The following BEND3 variants were observed in gnomAD, a reference collection of about 807,000 sequenced individuals.
BEND3 encodes BEN domain containing 3.
Under a neutral mutation model 60.1 loss-of-function variants are expected in BEND3, and 13 were observed. The observed-to-expected ratio is 0.22, with a 90% CI of 0.14 to 0.34. BEND3 has a LOEUF of 0.34. BEND3 is among the 10% of genes least tolerant of loss of function. The pLI is 1.00. For missense variants in BEND3, 896 were observed against 1,138.1 expected, an observed-to-expected ratio of 0.79 and a Z score of 3.06; for synonymous variants, 497 against 491.5, an observed-to-expected ratio of 1.01 and a Z score of -0.15.
At position 107,066,611 on chromosome 6, in the gene BEND3, C is replaced by T. The variant is rs1774835290; in HGVS notation, c.*2093G>A. The T allele has an allele frequency of 6.6e-6, 1 of 152,470 alleles. No homozygotes were observed. The highest frequency in any genetic ancestry group is 1.5e-5 in the Non-Finnish European group (1 of 68,020). 9.4% of individuals were successfully genotyped at this position (152,470 alleles called of 1,614,324 possible). Reference sequence around the variant, plus strand: ...TAAAGTTGCAGGGTCAACATTCCACCCTCTAGAAAGCAGGGCAATTCATGG... The same window carrying T: ...TAAAGTTGCAGGGTCAACATTCCACTCTCTAGAAAGCAGGGCAATTCATGG... On this transcript the variant is annotated 3_prime_UTR_variant, in exon 4 of 4. Transcript: ENST00000369042.
At chr6:107,089,568 A>T (rs1775428883) in intron 3 of BEND3, among the ~76,000 whole-genome samples, 1 of 147,498 alleles carries the variant, frequency 6.8e-6, no homozygotes, top group South Asian at 2.2e-4. Context: ...CCTGGGCGAC[A>T]CAGCGAGACT....
chr6:107,094,248 C>T (rs1223525759), intron 3 of BEND3, among the ~76,000 whole-genome samples: 4 of 151,996 alleles, frequency 2.6e-5, no homozygotes, highest in African/African-American at 7.3e-5. Flanking sequence ...TTAATAGCCA[C>T]TTCACCAAAA....
In BEND3 at chr6:107,070,423, G is replaced by A. The variant is rs782314128; in HGVS notation, c.768C>T (p.Ile256=). 16 of 1,613,922 alleles carry A rather than the reference G, an allele frequency of 9.9e-6. No homozygotes were observed. The South Asian group carries it at 1.1e-4, about 11-fold the overall frequency. The change falls in exon 4 of 4, where the codon ATC becomes ATT. Residue 256 remains isoleucine (I), a synonymous_variant. Coordinates refer to ENST00000369042, the MANE Select transcript of BEND3 (RefSeq NM_001367314.1). The surrounding 1 kb of genome is among the most constrained non-coding windows in gnomAD (Gnocchi z 6.9). Reference sequence around the variant, plus strand: ...CCCCCCCTGACAGGCTCTGGTCCACGATCTGCTTGAGCTCTGCGGCTGTGA... The same window carrying A: ...CCCCCCCTGACAGGCTCTGGTCCACAATCTGCTTGAGCTCTGCGGCTGTGA... ...YQLTAAELKQ[I]VDQSLSGGDL...
In BEND3 at chr6:107,066,590, G is replaced by C. The variant is rs949296797; in HGVS notation, c.*2114C>G. 6.6e-6 allele frequency: 1 copy of C among 152,594 alleles called. No individual in the cohort carries two copies. Among genetic ancestry groups the C allele is most frequent in the Admixed American group, 6.5e-5 (1 of 15,274 alleles). 9.5% of individuals were successfully genotyped at this position (152,594 alleles called of 1,614,324 possible). A position where few individuals can be genotyped will look rare whatever the true frequency, so the allele number is the denominator to read the frequency against. On this transcript the variant is annotated 3_prime_UTR_variant, in exon 4 of 4. Coordinates refer to ENST00000369042, the MANE Select transcript of BEND3 (RefSeq NM_001367314.1). ...ATTAATAAATGATTGTGCTTCTAAA[G>C]TTGCAGGGTCAACATTCCACCCTCT...
intron 3 of BEND3, among the ~76,000 whole-genome samples, chr6:107,074,233 C>T (rs781907928): frequency 1.8e-4 from 27 of 152,132 alleles, no homozygotes; most frequent in South Asian, 1.0e-3. Flanking sequence ...CTGGCCAACA[C>T]GGTGAAACCC....
chr6:107,109,571 T>A (rs909516671), intron 1 of BEND3, among the ~76,000 whole-genome samples: 1 of 150,994 alleles, frequency 6.6e-6, no homozygotes, highest in Non-Finnish European at 1.5e-5. Flanking sequence ...AATCCCCATC[T>A]CTATAAAAAA....
chr6:107,113,161 A>C (rs1215828453), intron 1 of BEND3, among the ~76,000 whole-genome samples: 1 of 149,354 alleles, frequency 6.7e-6, no homozygotes, highest in Non-Finnish European at 1.5e-5. Flanking sequence ...TGTCTAAAAA[A>C]AAAAAGCACG....
intron 3 of BEND3, among the ~76,000 whole-genome samples, chr6:107,087,074 G>A (rs1178403506): frequency 2.0e-5 from 3 of 151,646 alleles, no homozygotes; most frequent in Non-Finnish European, 4.4e-5. Flanking sequence ...GCCTGGGCCG[G>A]TAATCCCAGC....
At chr6:107,112,566 A>AC (rs1770131138) in intron 1 of BEND3, among the ~76,000 whole-genome samples, 1 of 152,248 alleles carries the variant, frequency 6.6e-6, no homozygotes, top group African/African-American at 2.4e-5. Context: ...CAACAACAAA[A>AC]AAAAACGCTG....
chr6:107,080,554 G>C lies in BEND3; in HGVS notation c.241-9604C>G, dbSNP rs531465216. ...GTACTTTTTTGAAAAATTAACATAA[G>C]TATAATTTCATAAAACAGATGGATT... On this transcript the variant is annotated intron_variant, in intron 3 of 3. Coordinates refer to ENST00000369042, the MANE Select transcript of BEND3 (RefSeq NM_001367314.1). Among the ~76,000 whole-genome samples the C allele has an allele frequency of 2.6e-5, 4 of 152,042 alleles. No individual in the cohort carries two copies. In the East Asian group the frequency reaches 7.7e-4, roughly 29 times the overall value.
In BEND3 at chr6:107,081,365, C is replaced by T. The variant is rs142207138; in HGVS notation, c.241-10415G>A. Among the ~76,000 whole-genome samples the T allele has an allele frequency of 3.6e-3, 544 of 151,974 alleles. 4 individuals are homozygous for T. The highest frequency in any genetic ancestry group is 4.2e-3 in the Non-Finnish European group (284 of 67,980). On this transcript the variant is annotated intron_variant, in intron 3 of 3. Transcript: ENST00000369042. ...CCTTCCGAGTAACTGGGATTACAGACGCCCACCACTACGCCTGGCTAATTT... is the reference window on the plus strand; with the variant it reads ...CCTTCCGAGTAACTGGGATTACAGATGCCCACCACTACGCCTGGCTAATTT...
Position 107,105,232 on chromosome 6 carries a change from G to A in BEND3, c.-11-5936C>T, listed in dbSNP as rs148535525. ...CTAAAAATACAAAAATTAGCTGGGC[G>A]TGGAGGCACCCACCTGTAGTCCCAG... is the stretch of plus-strand genomic sequence containing the variant. On this transcript the variant is annotated intron_variant, in intron 1 of 3. Coordinates refer to ENST00000369042, the MANE Select transcript of BEND3 (RefSeq NM_001367314.1). Among the ~76,000 whole-genome samples, 1,103 of 152,074 alleles carry A rather than the reference G, an allele frequency of 7.3e-3. 18 individuals carry two copies. The highest frequency in any genetic ancestry group is 0.024 in the African/African-American group (1,004 of 41,490).
chr6:107,098,596 C>A lies in BEND3; in HGVS notation c.195G>T (p.Leu65=). The A allele has an allele frequency of 1.2e-6, 2 of 1,613,762 alleles. No homozygotes were observed. Among genetic ancestry groups the A allele is most frequent in the Non-Finnish European group, 1.7e-6 (2 of 1,180,036 alleles). The change falls in exon 3 of 4, where the codon CTG becomes CTT. Residue 65 remains leucine (L), a synonymous_variant. Coordinates refer to ENST00000369042, the MANE Select transcript of BEND3 (RefSeq NM_001367314.1). ...SKRKQLVSDG[L]LDSVPGVKRR... ...TCTTCACGCCGGGGACAGAGTCTAG[C>A]AGGCCATCGCTGACCAGCTGCTTTC...
rs1775041310 is a variant in BEND3 at position 107,073,767 on chromosome 6, G to A, written c.241-2817C>T. On this transcript the variant is annotated intron_variant, in intron 3 of 3. Transcript: ENST00000369042. ...CTGGGAGTGGTGGTGTGTGCCTGTAGTCTCAGCTACTCGGGAGGCTGAGGT... is the reference window on the plus strand; with the variant it reads ...CTGGGAGTGGTGGTGTGTGCCTGTAATCTCAGCTACTCGGGAGGCTGAGGT... Among the ~76,000 whole-genome samples, 3 of 151,906 alleles carry A rather than the reference G, an allele frequency of 2.0e-5. No homozygotes were observed. The South Asian group carries it at 6.3e-4, about 32-fold the overall frequency.
At chr6:107,075,091 A>T (rs569817038) in intron 3 of BEND3, among the ~76,000 whole-genome samples, 1 of 152,088 alleles carries the variant, frequency 6.6e-6, no homozygotes, top group South Asian at 2.1e-4. Context: ...CTCAAAAAAA[A>T]AAAAGAAGAG....
chr6:107,113,179 A>G (rs1554238751), intron 1 of BEND3, among the ~76,000 whole-genome samples: 1 of 151,518 alleles, frequency 6.6e-6, no homozygotes, highest in African/African-American at 2.4e-5. Context: ...ACGGTGGCTC[A>G]TGCCTGTGAT....
At chr6:107,084,710 T>C (rs182412870) in intron 3 of BEND3, among the ~76,000 whole-genome samples, 4 of 151,386 alleles carry the variant, frequency 2.6e-5, no homozygotes, top group South Asian at 2.1e-4. Context: ...AGCTAAAAGA[T>C]TGTAAACACA....
Position 107,070,731 on chromosome 6 carries a change from C to G in BEND3, c.460G>C (p.Glu154Gln). 1 of 1,613,952 alleles carries G rather than the reference C, an allele frequency of 6.2e-7. No homozygotes were observed. The highest frequency in any genetic ancestry group is 8.5e-7 in the Non-Finnish European group (1 of 1,180,020). ...CTGGCGTTTGCCTTCTCAAAGAGCT[C>G]GTACACGTTTAGCAGGTCCCCCGAG... ...PPSGDLLNVYELFEKANASNS... is the reference protein window; with the variant it reads ...PPSGDLLNVYQLFEKANASNS... Residue 154 changes from glutamate (E) to glutamine (Q), a missense_variant, in exon 4 of 4, where the codon GAG becomes CAG. Around this residue, in one of 4 missense-constraint regions of BEND3, gnomAD observed 846 missense variants for 1,036.7 expected, o/e 0.82. Coordinates refer to ENST00000369042, the MANE Select transcript of BEND3 (RefSeq NM_001367314.1). The surrounding 1 kb of genome is among the most constrained non-coding windows in gnomAD (Gnocchi z 6.9).
chr6:107,072,044 G>A (rs782004707), intron 3 of BEND3, among the ~76,000 whole-genome samples: 4 of 152,174 alleles, frequency 2.6e-5, no homozygotes, highest in Non-Finnish European at 5.9e-5. Flanking sequence ...GCCTGTTTTT[G>A]ACAAATGTTG....
Sources: allele counts gnomAD v4.1 joint callset (sites outside exome capture counted in the v4.1 genomes callset), GRCh38; gene constraint gnomAD v4.1.1; regional missense constraint gnomAD v4.1.1; non-coding constraint Gnocchi (gnomAD v3.1); transcripts MANE v1.5; gene names NCBI Gene and HGNC (gene_info 2026-07-23, HGNC 2026-07-21).